The following MS4A14 variants were observed in gnomAD, a reference collection of about 807,000 sequenced individuals.
MS4A14 encodes membrane spanning 4-domains A14.
A neutral mutation model predicts 16.7 loss-of-function variants in MS4A14; 18 were observed. The observed-to-expected ratio is 1.08, with a 90% CI of 0.75 to 1.60. The LOEUF is 1.60. Ranked by LOEUF, MS4A14 falls within the 40% of genes most tolerant of loss-of-function variation. The pLI is 0.00. For synonymous variants in MS4A14, 305 were observed against 289.4 expected, an observed-to-expected ratio of 1.05 and a Z score of -0.55; for missense variants, 812 against 775.3, an observed-to-expected ratio of 1.05 and a Z score of -0.56.
chr11:60,406,136 G>A, intron 4 of MS4A14: 1 of 552,880 alleles, frequency 1.8e-6, no homozygotes, highest in African/African-American at 2.0e-5. Context: ...GGTCAGAGAG[G>A]GGCAAGCTTA....
At chr11:60,405,035 G>T (rs79936736) in intron 4 of MS4A14, among the ~76,000 whole-genome samples, 1,660 of 151,774 alleles carry the variant, frequency 0.011, 28 homozygotes, top group African/African-American at 0.038. Flanking sequence ...CCAAGATTCA[G>T]AAACACACAG....
At chr11:60,400,182 G>T (rs547126218) in intron 2 of MS4A14, among the ~76,000 whole-genome samples, 5 of 152,280 alleles carry the variant, frequency 3.3e-5, no homozygotes, top group African/African-American at 1.2e-4. Flanking sequence ...GCCTGTCCCA[G>T]TTGGCCCTGG....
intron 4 of MS4A14, among the ~76,000 whole-genome samples, chr11:60,408,039 G>T (rs574326140): frequency 6.6e-6 from 1 of 152,036 alleles, no homozygotes; most frequent in African/African-American, 2.4e-5. Flanking sequence ...TAGATGTATG[G>T]TCTATCTTAA....
At chr11:60,407,004 ACC>A in intron 4 of MS4A14, among the ~76,000 whole-genome samples, 1 of 114,594 alleles carries the variant, frequency 8.7e-6, no homozygotes, top group East Asian at 2.6e-4. Flanking sequence ...TTATCAATTT[ACC>A]TTTTTTTTTT....
chr11:60,402,153 C>A (rs940507300), intron 3 of MS4A14, among the ~76,000 whole-genome samples: 1 of 151,950 alleles, frequency 6.6e-6, no homozygotes, highest in South Asian at 2.1e-4. Flanking sequence ...CTCGGATATA[C>A]CTACCCCACC....
chr11:60,406,410 T>C (rs542844151), intron 4 of MS4A14, among the ~76,000 whole-genome samples: 1 of 152,240 alleles, frequency 6.6e-6, no homozygotes, highest in Non-Finnish European at 1.5e-5. Flanking sequence ...ATAATAATTG[T>C]TATAGATTAT....
intron 2 of MS4A14, among the ~76,000 whole-genome samples, chr11:60,398,753 C>A (rs1403356188): frequency 6.6e-6 from 1 of 152,208 alleles, no homozygotes; most frequent in Non-Finnish European, 1.5e-5. Flanking sequence ...AATCCACAGT[C>A]TCTTTTGATA....
intron 4 of MS4A14, among the ~76,000 whole-genome samples, chr11:60,414,949 A>T (rs17154951): frequency 0.035 from 5,376 of 152,180 alleles, 267 homozygotes; most frequent in East Asian, 0.25. Flanking sequence ...GTTCCCATAA[A>T]GCACTAAGTA....
rs559855988 is a variant in MS4A14, at chr11:60,401,082, ATCAC to A, written c.318+634_318+637del. On this transcript the variant is annotated intron_variant, in intron 3 of 4. Coordinates refer to ENST00000300187, the MANE Select transcript of MS4A14 (RefSeq NM_032597.5). ...ATTGTTCTAGGATTGAACCAAGGCT[ATCAC>A]TCACTTCTGTGTTAACCTGAAGGGA... Among the ~76,000 whole-genome samples, 1,115 of 152,334 alleles carry A rather than the reference ATCAC, an allele frequency of 7.3e-3. 10 individuals carry two copies. Among genetic ancestry groups the A allele is most frequent in the Non-Finnish European group, 0.012 (823 of 68,034 alleles).
intron 4 of MS4A14, among the ~76,000 whole-genome samples, chr11:60,413,690 A>G (rs1456456564): frequency 6.6e-6 from 1 of 152,118 alleles, no homozygotes; most frequent in African/African-American, 2.4e-5. Context: ...CTAATGGCAC[A>G]GTAATGTGCA....
In MS4A14 at chr11:60,416,798, G is replaced by A. The variant is rs760702072; in HGVS notation, c.1830G>A (p.Pro610=). The A allele has an allele frequency of 2.7e-5, 43 of 1,613,280 alleles. No homozygotes were observed. The highest frequency in any genetic ancestry group is 3.2e-5 in the Non-Finnish European group (38 of 1,179,762). Residue 610 remains proline (P), a synonymous_variant, in exon 5 of 5, where the codon CCG becomes CCA. Coordinates refer to ENST00000300187, the MANE Select transcript of MS4A14 (RefSeq NM_032597.5). The part of the protein sequence containing the change: ...QTQDQQTEDQ[P]AQEKKSPKGQ... The stretch of plus-strand genomic sequence containing the variant: ...AGGATCAGCAAACTGAAGACCAGCC[G>A]GCCCAAGAGAAGAAATCCCCGAAAG...
At chr11:60,413,363 T>TG (rs2085894612) in intron 4 of MS4A14, among the ~76,000 whole-genome samples, 1 of 101,456 alleles carries the variant, frequency 9.9e-6, no homozygotes, top group Non-Finnish European at 2.2e-5. Flanking sequence ...ATGTTTAAAA[T>TG]AAGTGATGAA....
Position 60,415,417 on chromosome 11 carries a change from C to T in MS4A14, c.469-20C>T, listed in dbSNP as rs751580549. Reference sequence around the variant, plus strand: ...GACATGATTCTGTCATATTAATTACCCTCATCCTTGCTTTTATAGGTTCTG... The same window carrying T: ...GACATGATTCTGTCATATTAATTACTCTCATCCTTGCTTTTATAGGTTCTG... On this transcript the variant is annotated intron_variant, in intron 4 of 4. Coordinates refer to ENST00000300187, the MANE Select transcript of MS4A14 (RefSeq NM_032597.5). 2 of 1,569,916 alleles carry T rather than the reference C, an allele frequency of 1.3e-6. No individual in the cohort carries two copies. The highest frequency in any genetic ancestry group is 2.4e-5 in the South Asian group (2 of 81,800).
chr11:60,407,178 C>T lies in MS4A14; in HGVS notation c.468+4117C>T, dbSNP rs185352972. 1.6e-3 allele frequency among the ~76,000 whole-genome samples: 248 copies of T among 152,030 alleles called. 3 individuals carry two copies. The highest frequency in any genetic ancestry group is 0.014 in the Middle Eastern group (4 of 294). Reference sequence around the variant, plus strand: ...TGCAAGCATGCGCCACCACCCCCAGCTAAATTTTTTTTGTATTTTTTTTGT... The same window carrying T: ...TGCAAGCATGCGCCACCACCCCCAGTTAAATTTTTTTTGTATTTTTTTTGT... On this transcript the variant is annotated intron_variant, in intron 4 of 4. Transcript: ENST00000300187.
intron 4 of MS4A14, among the ~76,000 whole-genome samples, chr11:60,408,258 T>C (rs2085816974): frequency 6.6e-6 from 1 of 152,190 alleles, no homozygotes; most frequent in Non-Finnish European, 1.5e-5. Flanking sequence ...CTTCCACGTA[T>C]TCTACACTCT....
chr11:60,397,192 T>C (rs973041047), intron 1 of MS4A14, among the ~76,000 whole-genome samples: 1 of 152,190 alleles, frequency 6.6e-6, no homozygotes, highest in Non-Finnish European at 1.5e-5. Flanking sequence ...AGATGTGGCC[T>C]GGGGACAAAA....
intron 1 of MS4A14, 110 bp downstream of exon 1, chr11:60,396,826 C>A (rs968880954): frequency 3.5e-5 from 41 of 1,184,888 alleles, no homozygotes; most frequent in Non-Finnish European, 4.6e-5. Flanking sequence ...GGAGTTAATT[C>A]TACTTTTCCC....
rs757675796 is a variant in MS4A14, at chr11:60,416,850, G to A, written c.1882G>A (p.Gly628Arg). 6 of 1,613,748 alleles carry A rather than the reference G, an allele frequency of 3.7e-6. No individual in the cohort carries two copies. The South Asian group carries it at 6.6e-5, about 18-fold the overall frequency. ...KGQFQNVQAE[G>R]QQAQVEKVPK... is the part of the protein sequence containing the mutation. ...ACAATTCCAAAATGTTCAAGCCGAA[G>A]GACAGCAAGCTCAGGTGGAGAAAGT... The change falls in exon 5 of 5, where the codon GGA becomes AGA. Residue 628 changes from glycine (G) to arginine (R), a missense_variant. Physicochemically the swap from Gly to Arg is moderately radical, Grantham distance 125 (BLOSUM62 -2). Coordinates refer to ENST00000300187, the MANE Select transcript of MS4A14 (RefSeq NM_032597.5).
intron 3 of MS4A14, among the ~76,000 whole-genome samples, 183 bp downstream of exon 3, chr11:60,400,637 C>A (rs1294874012): frequency 1.3e-5 from 2 of 152,154 alleles, no homozygotes; most frequent in Non-Finnish European, 2.9e-5. Flanking sequence ...CACTTGTTCC[C>A]ATTTCCCTGG....
Sources: allele counts gnomAD v4.1 joint callset (sites outside exome capture counted in the v4.1 genomes callset), GRCh38; gene constraint gnomAD v4.1.1; transcripts MANE v1.5; gene names NCBI Gene and HGNC (gene_info 2026-07-23, HGNC 2026-07-21).